The following OPCML variants were observed in gnomAD, a reference collection of about 807,000 sequenced individuals.
OPCML encodes the protein opioid-binding protein/cell adhesion molecule.
Under a neutral mutation model 37.8 loss-of-function variants are expected in OPCML, and 13 were observed. The observed-to-expected ratio is 0.34, with a 90% CI of 0.22 to 0.55. OPCML has a LOEUF of 0.55. OPCML is among the 20% of genes least tolerant of loss of function. The pLI is 0.91. For missense variants in OPCML, 341 were observed against 435.6 expected, an observed-to-expected ratio of 0.78 and a Z score of 1.93; for synonymous variants, 176 against 168.8, an observed-to-expected ratio of 1.04 and a Z score of -0.33.
At position 132,461,602 on chromosome 11, in the gene OPCML, C is replaced by A. The variant is rs192762796; in HGVS notation, c.506-24243G>T. On this transcript the variant is annotated intron_variant, in intron 4 of 7. Coordinates refer to ENST00000524381, the MANE Select transcript of OPCML (RefSeq NM_001012393.5). ...TGAGCTGATCTGCAAATTAATTAGACCCTGGGAGCAAGTAGCAAGAACTTG... is the reference window on the plus strand; with the variant it reads ...TGAGCTGATCTGCAAATTAATTAGAACCTGGGAGCAAGTAGCAAGAACTTG... 1.2e-4 allele frequency among the ~76,000 whole-genome samples: 18 copies of A among 152,186 alleles called. 1 individual carries two copies. The South Asian group carries it at 3.1e-3, about 26-fold the overall frequency.
At chr11:133,436,365 G>A (rs906974323) in intron 1 of OPCML, among the ~76,000 whole-genome samples, 1 of 152,144 alleles carries the variant, frequency 6.6e-6, no homozygotes, top group Non-Finnish European at 1.5e-5. Flanking sequence ...GTAAGGAACC[G>A]GGTGGCCATC....
chr11:132,937,478 CAG>C (rs35025482), intron 2 of OPCML, among the ~76,000 whole-genome samples: 114 of 148,640 alleles, frequency 7.7e-4, no homozygotes, highest in Non-Finnish European at 9.0e-4. Flanking sequence ...AACAGGGGGA[CAG>C]AGAGAGAGAG....
chr11:132,527,439 C>T (rs1033482292), intron 4 of OPCML, among the ~76,000 whole-genome samples: 5 of 152,076 alleles, frequency 3.3e-5, no homozygotes, highest in Admixed American at 1.3e-4. Flanking sequence ...GATTATATAA[C>T]GGTATCTCAT....
chr11:133,293,951 G>A (rs922945596), intron 1 of OPCML, among the ~76,000 whole-genome samples: 3 of 147,652 alleles, frequency 2.0e-5, no homozygotes, highest in African/African-American at 7.5e-5. Flanking sequence ...CATCCAGATG[G>A]TTTACAAAGA....
intron 2 of OPCML, among the ~76,000 whole-genome samples, chr11:132,699,433 A>T (rs1443709164): frequency 1.3e-5 from 2 of 152,106 alleles, no homozygotes; most frequent in Non-Finnish European, 2.9e-5. Flanking sequence ...TCCTCTTCTT[A>T]GAAGATAAGC....
intron 1 of OPCML, among the ~76,000 whole-genome samples, chr11:132,976,249 G>T (rs1183872730): frequency 6.6e-6 from 1 of 152,164 alleles, no homozygotes; most frequent in East Asian, 1.9e-4. Flanking sequence ...CTTACGAAGG[G>T]TGGACAGCTG....
At chr11:133,394,852 T>C (rs1038610213) in intron 1 of OPCML, among the ~76,000 whole-genome samples, 1 of 152,250 alleles carries the variant, frequency 6.6e-6, no homozygotes, top group Non-Finnish European at 1.5e-5. Context: ...CAGACATCTC[T>C]TTGATGTACC....
intron 3 of OPCML, among the ~76,000 whole-genome samples, chr11:132,599,376 A>G (rs1180000733): frequency 8.6e-4 from 11 of 12,766 alleles, no homozygotes; most frequent in East Asian, 5.6e-3. Context: ...GAGGAGGAAG[A>G]AGGAGGAAGA....
chr11:133,369,804 T>G (rs1339556518), intron 1 of OPCML, among the ~76,000 whole-genome samples: 1 of 152,164 alleles, frequency 6.6e-6, no homozygotes, highest in Admixed American at 6.6e-5. Flanking sequence ...AGGTAAAGAA[T>G]GTGCATTCAC....
intron 2 of OPCML, among the ~76,000 whole-genome samples, chr11:132,898,304 A>G (rs1404223921): frequency 1.3e-5 from 2 of 152,322 alleles, no homozygotes; most frequent in Non-Finnish European, 2.9e-5. Flanking sequence ...TCCTCTGGAC[A>G]TGGGTTTGCC....
rs1445991751 is a variant in OPCML at position 132,929,368 on chromosome 11, GAC to G, written c.146+13556_146+13557del. On this transcript the variant is annotated intron_variant, in intron 2 of 7. Transcript: ENST00000524381. ...GATAAAATGGCCAAATTTCTAGAAAGACAGAGTCTGTCAAGACTGAATCACAA... is the reference window on the plus strand; with the variant it reads ...GATAAAATGGCCAAATTTCTAGAAAGAGAGTCTGTCAAGACTGAATCACAA... Among the ~76,000 whole-genome samples the G allele has an allele frequency of 5.3e-5, 8 of 151,998 alleles. 1 individual carries two copies. In the South Asian group the frequency reaches 6.2e-4, roughly 12 times the overall value.
intron 2 of OPCML, among the ~76,000 whole-genome samples, chr11:132,807,118 TA>T (rs1939063095): frequency 6.6e-6 from 1 of 152,014 alleles, no homozygotes; most frequent in Admixed American, 6.6e-5. Flanking sequence ...TGTAAGTAGA[TA>T]AAGAAGAAAA....
intron 1 of OPCML, among the ~76,000 whole-genome samples, chr11:133,228,226 G>A (rs1001729293): frequency 3.9e-5 from 6 of 152,120 alleles, no homozygotes; most frequent in African/African-American, 1.4e-4. Flanking sequence ...CATTTTACAA[G>A]ACATGGTCCC....
chr11:132,601,849 G>A (rs1280796560), intron 3 of OPCML, among the ~76,000 whole-genome samples: 1 of 152,124 alleles, frequency 6.6e-6, no homozygotes, highest in Non-Finnish European at 1.5e-5. Context: ...CATACAAAAA[G>A]GAAAACTATA....
At chr11:132,436,903 C>T (rs2096015136) in intron 5 of OPCML, 124 bp from the exon 6 acceptor site, 1 of 1,465,992 alleles carries the variant, frequency 6.8e-7, no homozygotes. Flanking sequence ...TGTGACAACC[C>T]TCTTTCCCAG....
At position 133,422,606 on chromosome 11, in the gene OPCML, C is replaced by T. The variant is rs191719174; in HGVS notation, c.61+109658G>A. 518 of 956,666 alleles carry T rather than the reference C, an allele frequency of 5.4e-4. 2 individuals are homozygous for T. Among genetic ancestry groups the T allele is most frequent in the Middle Eastern group, 2.2e-3 (4 of 1,858 alleles). 59.3% of individuals were successfully genotyped at this position (956,666 alleles called of 1,614,324 possible). ...TCCTGGGCTCAAGCAATCCTGCTAC[C>T]GCAGCCTCCCGAGTAGTTGAGATTA... is the stretch of plus-strand genomic sequence containing the variant. On this transcript the variant is annotated intron_variant, in intron 1 of 7. Coordinates refer to ENST00000524381, the MANE Select transcript of OPCML (RefSeq NM_001012393.5).
intron 4 of OPCML, among the ~76,000 whole-genome samples, chr11:132,479,936 A>G (rs1018396571): frequency 1.3e-5 from 2 of 152,190 alleles, no homozygotes; most frequent in African/African-American, 4.8e-5. Context: ...CAGCGGAAAA[A>G]CTGGAAACTC....
chr11:133,481,276 A>G (rs1054399494), intron 1 of OPCML, among the ~76,000 whole-genome samples: 1 of 152,158 alleles, frequency 6.6e-6, no homozygotes, highest in African/African-American at 2.4e-5. Flanking sequence ...ATTAGAGCTT[A>G]AAAGACCCTT....
intron 1 of OPCML, among the ~76,000 whole-genome samples, chr11:133,252,003 G>A (rs908958548): frequency 2.0e-5 from 3 of 152,158 alleles, no homozygotes; most frequent in Non-Finnish European, 4.4e-5. Context: ...TCCCCCCAGA[G>A]TCGACAGGGG....
Sources: gnomAD v4.1 joint callset for allele counts (sites outside exome capture counted in the v4.1 genomes callset) on GRCh38, gnomAD v4.1.1 for gene constraint, MANE v1.5 for transcripts, NCBI Gene and HGNC (gene_info 2026-07-23, HGNC 2026-07-21) for gene names.